The following SLC25A15 variants were observed in gnomAD, a reference collection of about 807,000 sequenced individuals.
The protein encoded by SLC25A15 is mitochondrial ornithine transporter 1.
A neutral mutation model predicts 32.3 loss-of-function variants in SLC25A15; 24 were observed. The observed-to-expected ratio is 0.74, with a 90% confidence interval of 0.54 to 1.04. SLC25A15 has a LOEUF of 1.04. Among genes scored for constraint, SLC25A15 ranks in the 50% least tolerant of loss-of-function variants. The probability of loss-of-function intolerance (pLI) is 0.00; values close to 1 mark genes in which losing one functional copy is unlikely to be tolerated. For synonymous variants in SLC25A15, 132 were observed against 142.1 expected, an observed-to-expected ratio of 0.93 and a Z score of 0.51; for missense variants, 317 against 374.5, an observed-to-expected ratio of 0.85 and a Z score of 1.27.
chr13:40,798,965 G>A, intron 2 of SLC25A15, 92 bp from the exon 3 acceptor site: 1 of 1,610,964 alleles, frequency 6.2e-7, no homozygotes, highest in Non-Finnish European at 8.5e-7. Context: ...ACCGAAGCAG[G>A]GGTAAGTTCT....
At chr13:40,803,030 A>G (rs1881959729) in intron 3 of SLC25A15, among the ~76,000 whole-genome samples, 1 of 152,052 alleles carries the variant, frequency 6.6e-6, no homozygotes, top group Non-Finnish European at 1.5e-5. Context: ...CTGGCATTGA[A>G]TGGGTGTCAG....
Position 40,799,193 on chromosome 13 carries a change from C to T in SLC25A15, c.192C>T (p.Tyr64=), listed in dbSNP as rs1008259618. The T allele has an allele frequency of 5.6e-6, 9 of 1,614,204 alleles. No homozygotes were observed. The highest frequency in any genetic ancestry group is 6.8e-6 in the Non-Finnish European group (8 of 1,180,036). ...CCCAGGTGGGCTTCCGTGGCTTCTA[C>T]AAGGGTACCAGTCCAGCACTAATCG... The part of the protein sequence containing the change: ...TYSQVGFRGF[Y]KGTSPALIAN... The change falls in exon 3 of 7, where the codon TAC becomes TAT. Residue 64 remains tyrosine, a synonymous_variant. Transcript: ENST00000338625.
intron 4 of SLC25A15, 102 bp downstream of exon 4, chr13:40,805,357 TTATC>T (rs1882132949): frequency 5.4e-6 from 7 of 1,306,540 alleles, no homozygotes; most frequent in Non-Finnish European, 1.1e-6. Context: ...GGAAGCCAAT[TTATC>T]TACTCCAAAA....
intron 2 of SLC25A15, among the ~76,000 whole-genome samples, chr13:40,798,279 C>CAAAA (rs5803069): frequency 8.1e-6 from 1 of 123,202 alleles, no homozygotes; most frequent in Non-Finnish European, 1.8e-5. Flanking sequence ...GACACCATCT[C>CAAAA]AAAAAAAAAA....
At chr13:40,801,826 C>G (rs1354417551) in intron 3 of SLC25A15, among the ~76,000 whole-genome samples, 1 of 152,184 alleles carries the variant, frequency 6.6e-6, no homozygotes, top group Non-Finnish European at 1.5e-5. Flanking sequence ...CTTACAAAAT[C>G]CCATCCTATA....
chr13:40,806,985 TC>T (rs1206116903), intron 4 of SLC25A15, among the ~76,000 whole-genome samples: 1 of 152,130 alleles, frequency 6.6e-6, no homozygotes, highest in African/African-American at 2.4e-5. Context: ...TAAAAACAGA[TC>T]CTGTAAACAC....
chr13:40,805,598 A>G (rs943662100), intron 4 of SLC25A15, among the ~76,000 whole-genome samples: 1 of 152,146 alleles, frequency 6.6e-6, no homozygotes, highest in African/African-American at 2.4e-5. Flanking sequence ...CTTAGACCTG[A>G]GCCTTCATAA....
At chr13:40,804,625 T>C (rs1882075738) in intron 3 of SLC25A15, among the ~76,000 whole-genome samples, 1 of 151,168 alleles carries the variant, frequency 6.6e-6, no homozygotes, top group South Asian at 2.1e-4. Flanking sequence ...CACTGCAAGC[T>C]CTGCCTCCTG....
At position 40,808,579 on chromosome 13, in the gene SLC25A15, A is replaced by G; in HGVS notation, c.764A>G (p.Asn255Ser). 3.7e-6 allele frequency: 6 copies of G among 1,604,434 alleles called. No homozygotes were observed. In the South Asian group the frequency reaches 4.4e-5, roughly 12 times the overall value. Residue 255 changes from asparagine (N) to serine (S), a missense_variant, in exon 6 of 7, where the codon AAT becomes AGT. Transcript: ENST00000338625. The part of the protein sequence containing the change: ...KQAGFIRTFI[N>S]VVKNEGITAL... Reference sequence around the variant, plus strand: ...GCAGGATTTATCAGAACCTTTATAAATGTTGTGAAAAATGAAGGTGAGTAA... The same window carrying G: ...GCAGGATTTATCAGAACCTTTATAAGTGTTGTGAAAAATGAAGGTGAGTAA...
rs552700500 is a variant in SLC25A15, at chr13:40,811,497, A to G, written c.*1830A>G. Among the ~76,000 whole-genome samples the G allele has an allele frequency of 7.0e-6, 1 of 143,614 alleles. No homozygotes were observed. The highest frequency in any genetic ancestry group is 1.5e-5 in the Non-Finnish European group (1 of 67,268). The allele number at this position is 143,614 out of a possible 152,430, so 94.2% of individuals were successfully genotyped here. ...CAGCGAGACTTCATCTCAAAAAAAA[A>G]AAGAAAAGAAAAGCAATTGTACTTC... is the stretch of plus-strand genomic sequence containing the variant. On this transcript the variant is annotated 3_prime_UTR_variant, in exon 7 of 7. Transcript: ENST00000338625.
intron 1 of SLC25A15, among the ~76,000 whole-genome samples, chr13:40,792,382 G>A (rs1404743806): frequency 6.6e-6 from 1 of 152,214 alleles, no homozygotes; most frequent in Non-Finnish European, 1.5e-5. Flanking sequence ...TCCTGTCCAA[G>A]GCTACTGAAT....
intron 1 of SLC25A15, among the ~76,000 whole-genome samples, chr13:40,791,018 C>T (rs908219227): frequency 2.0e-5 from 3 of 151,794 alleles, no homozygotes; most frequent in African/African-American, 7.3e-5. Context: ...AAGAAATAAG[C>T]GCATTGAGGT....
intron 3 of SLC25A15, among the ~76,000 whole-genome samples, chr13:40,803,758 T>G (rs1882002244): frequency 6.6e-6 from 1 of 152,218 alleles, no homozygotes; most frequent in Non-Finnish European, 1.5e-5. Flanking sequence ...TGGAAAATCT[T>G]TTTGTGATGC....
At chr13:40,808,932 C>CAAAAAAAAAAAAAAAAAAAAAAA (rs58015661) in intron 6 of SLC25A15, among the ~76,000 whole-genome samples, 1 of 78,854 alleles carries the variant, frequency 1.3e-5, no homozygotes, top group Non-Finnish European at 2.5e-5. Context: ...GACTCTGTCT[C>CAAAAAAAAAAAAAAAAAAAAAAA]AAAAAAAAAA....
At position 40,808,551 on chromosome 13, in the gene SLC25A15, C is replaced by G; in HGVS notation, c.736C>G (p.Gln246Glu). The change falls in exon 6 of 7, where the codon CAG becomes GAG. Residue 246 changes from glutamine (Q) to glutamate (E), a missense_variant. Transcript: ENST00000338625. ...TCAAGTTCTTTCCATGTCTGGAAAACAGGCAGGATTTATCAGAACCTTTAT... is the reference window on the plus strand; with the variant it reads ...TCAAGTTCTTTCCATGTCTGGAAAAGAGGCAGGATTTATCAGAACCTTTAT... ...RIQVLSMSGK[Q>E]AGFIRTFINV... is the part of the protein sequence containing the mutation. The G allele has an allele frequency of 6.2e-7, 1 of 1,610,588 alleles. No homozygotes were observed. Among genetic ancestry groups the G allele is most frequent in the Non-Finnish European group, 8.5e-7 (1 of 1,179,856 alleles).
chr13:40,796,203 T>G (rs537291661), intron 2 of SLC25A15, among the ~76,000 whole-genome samples: 103 of 152,276 alleles, frequency 6.8e-4, no homozygotes, highest in Non-Finnish European at 1.2e-3. Context: ...AAATGTGGTG[T>G]TGTGTGTGTC....
At position 40,810,418 on chromosome 13, in the gene SLC25A15, C is replaced by T. The variant is rs1340228699; in HGVS notation, c.*751C>T. The stretch of plus-strand genomic sequence containing the variant: ...CCTCAAGTGATCCGCCCACCTCGGC[C>T]TCCCAAAGTGCTGGGATTACTGGTG... On this transcript the variant is annotated 3_prime_UTR_variant, in exon 7 of 7. Transcript: ENST00000338625. Among the ~76,000 whole-genome samples the T allele has an allele frequency of 2.6e-5, 4 of 152,192 alleles. No homozygotes were observed. The highest frequency in any genetic ancestry group is 5.9e-5 in the Non-Finnish European group (4 of 68,030).
Position 40,807,410 on chromosome 13 carries a change from GC to G in SLC25A15, c.570del (p.Tyr191MetfsTer3), listed in dbSNP as rs2138056832. Reference sequence around the variant, plus strand: ...CCAGGCTATTTCTTCTTCTTCGGTGGCTATGAACTGAGCCGGTCCTTTTTTG... The same window carrying G: ...CCAGGCTATTTCTTCTTCTTCGGTGGTATGAACTGAGCCGGTCCTTTTTTG... ...EVPGYFFFFG[G>X]YELSRSFFAS... On this transcript the variant is annotated frameshift_variant, in exon 5 of 7. Transcript: ENST00000338625. LOFTEE classifies it high-confidence loss of function. 6.2e-7 allele frequency: 1 copy of G among 1,614,158 alleles called. No individual in the cohort carries two copies. The highest frequency in any genetic ancestry group is 8.5e-7 in the Non-Finnish European group (1 of 1,180,028).
intron 6 of SLC25A15, among the ~76,000 whole-genome samples, chr13:40,808,932 C>CAAAAAAAAAAA (rs58015661): frequency 5.1e-5 from 4 of 78,852 alleles, no homozygotes; most frequent in African/African-American, 1.9e-4. Context: ...GACTCTGTCT[C>CAAAAAAAAAAA]AAAAAAAAAA....
Sources: allele counts gnomAD v4.1 joint callset (sites outside exome capture counted in the v4.1 genomes callset), GRCh38; gene constraint gnomAD v4.1.1; transcripts MANE v1.5; gene names NCBI Gene and HGNC (gene_info 2026-07-23, HGNC 2026-07-21).